Variants in KDM4C observed in about 807,000 individuals in gnomAD.
The protein encoded by KDM4C is lysine-specific demethylase 4C.
In KDM4C, 81 loss-of-function variants were observed where a neutral mutation model predicts 129.3. The ratio of observed to expected loss-of-function variants is 0.63; its 90% confidence interval spans 0.52 to 0.75. The LOEUF is 0.75. Among genes scored for constraint, KDM4C ranks in the 30% least tolerant of loss-of-function variants. The pLI, the probability that KDM4C is intolerant of heterozygous loss-of-function variation, is 0.00. For missense variants in KDM4C, 1,457 were observed against 1,304.0 expected, an observed-to-expected ratio of 1.12 and a Z score of -1.81; for synonymous variants, 573 against 456.1, an observed-to-expected ratio of 1.26 and a Z score of -3.26.
chr9:6,984,539 T>C, intron 10 of KDM4C, 135 bp downstream of exon 10: 1 of 644,068 alleles, frequency 1.6e-6, no homozygotes, highest in Middle Eastern at 4.6e-4. Context: ...AAGTCATGGG[T>C]AACTCAACCA....
At chr9:7,172,747 T>C (rs1587990465) in intron 21 of KDM4C, among the ~76,000 whole-genome samples, 1 of 152,186 alleles carries the variant, frequency 6.6e-6, no homozygotes, top group Non-Finnish European at 1.5e-5. Flanking sequence ...CTTGTGGCTG[T>C]TTTCTTGTTT....
chr9:6,905,252 G>T (rs56285846), intron 8 of KDM4C, among the ~76,000 whole-genome samples: 11,637 of 152,176 alleles, frequency 0.076, 653 homozygotes, highest in Non-Finnish European at 0.12. Flanking sequence ...AGGCCGTCTT[G>T]GCAGGAGATT....
intron 1 of KDM4C, among the ~76,000 whole-genome samples, chr9:6,760,706 G>A (rs1184788993): frequency 6.6e-6 from 1 of 151,888 alleles, no homozygotes; most frequent in African/African-American, 2.4e-5. Flanking sequence ...GAATAGCTGG[G>A]ACTACAGGCA....
At chr9:6,788,129 T>C (rs1825846785) in intron 1 of KDM4C, among the ~76,000 whole-genome samples, 2 of 152,158 alleles carry the variant, frequency 1.3e-5, no homozygotes, top group Admixed American at 6.5e-5. Context: ...CCGAAGTACC[T>C]TCCCTTGCCT....
chr9:6,932,908 C>G (rs141624805), intron 8 of KDM4C, among the ~76,000 whole-genome samples: 1 of 152,356 alleles, frequency 6.6e-6, no homozygotes, highest in East Asian at 1.9e-4. Context: ...TTGAGGAACT[C>G]TGCACTACTG....
intron 15 of KDM4C, among the ~76,000 whole-genome samples, chr9:7,024,218 A>G: frequency 6.8e-6 from 1 of 147,348 alleles, no homozygotes; most frequent in Non-Finnish European, 1.5e-5. Flanking sequence ...TCCATTGCTG[A>G]GTGTGGTGTG....
chr9:7,127,757 A>C (rs1840173477), intron 18 of KDM4C: 1 of 188,016 alleles, frequency 5.3e-6, no homozygotes. Flanking sequence ...ATTTGCATAT[A>C]CACATACACG....
intron 9 of KDM4C, 129 bp from the exon 10 acceptor site, chr9:6,984,037 C>G: frequency 1.6e-6 from 1 of 610,998 alleles, no homozygotes; most frequent in Non-Finnish European, 2.9e-6. Context: ...TGAACATTGA[C>G]TTGGCATAGT....
intron 17 of KDM4C, among the ~76,000 whole-genome samples, chr9:7,099,967 G>A (rs555141762): frequency 2.0e-4 from 30 of 151,730 alleles, no homozygotes; most frequent in African/African-American, 7.3e-4. Context: ...CATTTATCTT[G>A]AGGAGTTTGG....
At chr9:7,075,091 C>T (rs1231455904) in intron 17 of KDM4C, among the ~76,000 whole-genome samples, 2 of 152,124 alleles carry the variant, frequency 1.3e-5, no homozygotes, top group Non-Finnish European at 2.9e-5. Context: ...AACTGGACCC[C>T]AGCAGAAAGC....
rs183920841 is a variant in KDM4C at position 6,837,109 on chromosome 9, G to A, written c.436-12398G>A. Among the ~76,000 whole-genome samples, 6 of 152,266 alleles carry A rather than the reference G, an allele frequency of 3.9e-5. No homozygotes were observed. The East Asian group carries it at 1.2e-3, about 29-fold the overall frequency. ...GTCTTGCCCTGTCAACCAGGCTGGA[G>A]TGCAGTGGTACGATCTTGGCTGACT... On this transcript the variant is annotated intron_variant, in intron 4 of 21. Transcript: ENST00000381309.
intron 5 of KDM4C, among the ~76,000 whole-genome samples, chr9:6,875,683 A>T (rs923560508): frequency 1.3e-5 from 2 of 152,168 alleles, no homozygotes; most frequent in African/African-American, 2.4e-5. Flanking sequence ...ATGATAGTAG[A>T]TGTGCCTGAG....
chr9:7,109,600 G>A (rs1265336528), intron 18 of KDM4C, among the ~76,000 whole-genome samples: 3 of 152,174 alleles, frequency 2.0e-5, no homozygotes, highest in Non-Finnish European at 4.4e-5. Flanking sequence ...TAATTAAGCA[G>A]CATTCAGCTA....
At chr9:7,022,039 G>A (rs1563997765) in intron 15 of KDM4C, among the ~76,000 whole-genome samples, 1 of 152,044 alleles carries the variant, frequency 6.6e-6, no homozygotes, top group African/African-American at 2.4e-5. Flanking sequence ...CCATTACCAT[G>A]TCATTTTGGT....
chr9:7,120,534 C>T (rs1043773497), intron 18 of KDM4C, among the ~76,000 whole-genome samples: 2 of 152,050 alleles, frequency 1.3e-5, no homozygotes, highest in African/African-American at 4.8e-5. Context: ...GTAATGAATT[C>T]CAAAAAGACC....
At chr9:6,900,933 G>A (rs1051627262) in intron 8 of KDM4C, among the ~76,000 whole-genome samples, 2 of 151,626 alleles carry the variant, frequency 1.3e-5, no homozygotes, top group Non-Finnish European at 2.9e-5. Flanking sequence ...ATTATCAGGG[G>A]CCAAATTTTA....
At chr9:7,029,306 T>C (rs907469234) in intron 15 of KDM4C, among the ~76,000 whole-genome samples, 1 of 151,620 alleles carries the variant, frequency 6.6e-6, no homozygotes, top group Admixed American at 6.6e-5. Flanking sequence ...TTTTTTTTTT[T>C]TTTTTGCCTA....
chr9:6,722,922 G>A (rs1252310246), intron 1 of KDM4C, among the ~76,000 whole-genome samples: 1 of 152,116 alleles, frequency 6.6e-6, no homozygotes, highest in African/African-American at 2.4e-5. Context: ...GGTTGAGGTT[G>A]CAGTGAGTCG....
At chr9:6,871,882 A>G (rs553893887) in intron 5 of KDM4C, among the ~76,000 whole-genome samples, 62 of 152,316 alleles carry the variant, frequency 4.1e-4, no homozygotes, top group African/African-American at 1.4e-3. Context: ...GTGCACATTG[A>G]GCAGCATCTT....
Sources: allele counts gnomAD v4.1 joint callset (sites outside exome capture counted in the v4.1 genomes callset), GRCh38; gene constraint gnomAD v4.1.1; transcripts MANE v1.5; gene names NCBI Gene and HGNC (gene_info 2026-07-23, HGNC 2026-07-21).